The following CLSTN1 variants were observed in gnomAD, a reference collection of about 807,000 sequenced individuals.
The protein encoded by CLSTN1 is calsyntenin 1.
CLSTN1 carries 28 observed loss-of-function variants against 108.3 expected under a neutral mutation model. That is an observed-to-expected ratio of 0.26 (90% CI 0.19 to 0.35). CLSTN1 has a LOEUF of 0.35. Ranked by LOEUF, CLSTN1 falls within the 10% of genes least tolerant of loss-of-function variation. CLSTN1 has a pLI of 1.00. For missense variants in CLSTN1, 1,157 were observed against 1,302.6 expected, an observed-to-expected ratio of 0.89 and a Z score of 1.72; for synonymous variants, 524 against 534.9, an observed-to-expected ratio of 0.98 and a Z score of 0.28.
Position 9,756,518 on chromosome 1 carries a change from G to A in CLSTN1, c.215-8C>T, listed in dbSNP as rs201961708. 115 of 1,611,746 alleles carry A rather than the reference G, an allele frequency of 7.1e-5. No homozygotes were observed. Among genetic ancestry groups the A allele is most frequent in the Non-Finnish European group, 9.1e-5 (107 of 1,178,312 alleles). Reference sequence around the variant, plus strand: ...CTGTCACCTCAAAACTCTCTAAAGGGAGAAAAGATAAGCCCATGTCAGTAA... The same window carrying A: ...CTGTCACCTCAAAACTCTCTAAAGGAAGAAAAGATAAGCCCATGTCAGTAA... On this transcript the variant is annotated splice_polypyrimidine_tract_variant and splice_region_variant and intron_variant, in intron 2 of 18. Transcript: ENST00000377298.
chr1:9,733,394 T>TACTC lies in CLSTN1; in HGVS notation c.2427+3_2427+6dup. 6.2e-7 allele frequency: 1 copy of TACTC among 1,614,190 alleles called. No homozygotes were observed. Among genetic ancestry groups the TACTC allele is most frequent in the Non-Finnish European group, 8.5e-7 (1 of 1,180,024 alleles). On this transcript the variant is annotated splice_region_variant and intron_variant, in intron 16 of 18. Transcript: ENST00000377298. ...TTGGCCCTGCTCAGTGGGAGCCTTG[T>TACTC]ACTCACCTCCACCTTAAATTCGTTG... is the stretch of plus-strand genomic sequence containing the variant.
Position 9,735,514 on chromosome 1 carries a change from C to A in CLSTN1, c.1836G>T (p.Gln612His). The change falls in exon 13 of 19, where the codon CAG (glutamine) becomes CAT (histidine). Residue 612 changes from glutamine (Q) to histidine (H), a missense_variant. Coordinates refer to ENST00000377298, the MANE Select transcript of CLSTN1 (RefSeq NM_001009566.3). ...GTCTGCGAATTCCGGGCGTGGGGAA[C>A]TGCCGGGAGTTCAGGTACGAGATGT... ...MQHISYLNSR[Q>H]FPTPGIRRLK... 6.2e-7 allele frequency: 1 copy of A among 1,614,198 alleles called. No homozygotes were observed. The highest frequency in any genetic ancestry group is 1.1e-5 in the South Asian group (1 of 91,086).
intron 1 of CLSTN1, among the ~76,000 whole-genome samples, chr1:9,798,664 T>C (rs927588187): frequency 4.6e-5 from 7 of 152,110 alleles, no homozygotes; most frequent in Non-Finnish European, 1.0e-4. Context: ...TGGAACTAGA[T>C]AGAGGTGGTA....
intron 4 of CLSTN1, among the ~76,000 whole-genome samples, chr1:9,753,334 A>C (rs1651647806): frequency 1.3e-5 from 2 of 152,062 alleles, no homozygotes; most frequent in Non-Finnish European, 2.9e-5. Flanking sequence ...CAGGCCACGG[A>C]CCAGTACTGG....
intron 1 of CLSTN1, among the ~76,000 whole-genome samples, chr1:9,818,912 G>T (rs111365419): frequency 0.019 from 2,708 of 143,086 alleles, 75 homozygotes; most frequent in African/African-American, 0.066. Flanking sequence ...TCAGCCTCCC[G>T]AATAGCTGGG....
chr1:9,771,797 C>T (rs1004257392), intron 2 of CLSTN1, among the ~76,000 whole-genome samples: 3 of 152,092 alleles, frequency 2.0e-5, no homozygotes, highest in South Asian at 2.1e-4. Flanking sequence ...AGCTGGTTCA[C>T]GGGTGACTGT....
chr1:9,756,132 C>T (rs1651794566), intron 3 of CLSTN1, among the ~76,000 whole-genome samples: 1 of 152,158 alleles, frequency 6.6e-6, no homozygotes, highest in Non-Finnish European at 1.5e-5. Context: ...GTTTTGATGT[C>T]GATGTGAAAC....
intron 2 of CLSTN1, among the ~76,000 whole-genome samples, chr1:9,765,361 G>T (rs1379772064): frequency 4.6e-5 from 7 of 151,952 alleles, no homozygotes; most frequent in Non-Finnish European, 7.4e-5. Context: ...TATAGCCTGG[G>T]CGACAAGAGC....
intron 2 of CLSTN1, among the ~76,000 whole-genome samples, chr1:9,758,557 G>A (rs1473287467): frequency 4.6e-5 from 7 of 151,782 alleles, no homozygotes; most frequent in African/African-American, 1.2e-4. Context: ...CAAGTGATCC[G>A]CCCGCCTCCG....
At chr1:9,795,073 T>C (rs1313128155) in intron 1 of CLSTN1, among the ~76,000 whole-genome samples, 1 of 151,334 alleles carries the variant, frequency 6.6e-6, no homozygotes, top group Non-Finnish European at 1.5e-5. Context: ...CCCTATTTTT[T>C]TTGCTTTTAT....
intron 1 of CLSTN1, among the ~76,000 whole-genome samples, chr1:9,788,720 T>C (rs1465720602): frequency 2.0e-5 from 3 of 150,336 alleles, no homozygotes; most frequent in East Asian, 2.0e-4. Flanking sequence ...TGCAAAACAT[T>C]TGCCAGGCGT....
Position 9,744,468 on chromosome 1 carries a change from G to A in CLSTN1, c.1161C>T (p.Thr387=). Residue 387 remains threonine, a synonymous_variant, in exon 8 of 19, where the codon ACC becomes ACT. Transcript: ENST00000377298. Reference sequence around the variant, plus strand: ...GCCCATGTCTCATCCACACCGAGATGGTGAACGGCTCTTTGGGGCTGACCG... The same window carrying A: ...GCCCATGTCTCATCCACACCGAGATAGTGAACGGCTCTTTGGGGCTGACCG... The part of the protein sequence containing the change: ...VVSVSPKEPF[T]ISVWMRHGPF... 1 of 1,611,196 alleles carries A rather than the reference G, an allele frequency of 6.2e-7. No homozygotes were observed. The highest frequency in any genetic ancestry group is 8.5e-7 in the Non-Finnish European group (1 of 1,179,956).
chr1:9,822,748 G>A (rs1193490012), intron 1 of CLSTN1, among the ~76,000 whole-genome samples: 1 of 152,188 alleles, frequency 6.6e-6, no homozygotes, highest in Non-Finnish European at 1.5e-5. Context: ...AGTGGATGAA[G>A]GTTAAAAGCT....
chr1:9,741,127 C>T lies in CLSTN1; in HGVS notation c.1486G>A (p.Glu496Lys). The change falls in exon 10 of 19, where the codon GAA becomes AAA. Residue 496 changes from glutamate to lysine, a missense_variant. Glu to Lys is a moderately conservative substitution (Grantham distance 56, BLOSUM62 1). Coordinates refer to ENST00000377298, the MANE Select transcript of CLSTN1 (RefSeq NM_001009566.3). ...EDYPLHPSKI[E>K]TQLVVGACWQ... ...CAAGCCCCCACCACGAGCTGAGTTT[C>T]TATCTTGGATGGATGGAGCGGGTAA... The T allele has an allele frequency of 6.2e-7, 1 of 1,613,994 alleles. No individual in the cohort carries two copies.
At position 9,734,971 on chromosome 1, in the gene CLSTN1, C is replaced by T. The variant is rs1253320519; in HGVS notation, c.2087G>A (p.Gly696Glu). 1.9e-6 allele frequency: 3 copies of T among 1,614,052 alleles called. No homozygotes were observed. In the South Asian group the frequency reaches 3.3e-5, roughly 18 times the overall value. Reference protein sequence around the residue: ...STITREVEPEGDGAEDPTVQE... With the variant: ...STITREVEPEEDGAEDPTVQE... ...ACCTGTGGGGTCCTCAGCCCCGTCC[C>T]CTTCAGGCTCCACTTCTCTCGTGAT... Residue 696 changes from glycine to glutamate, a missense_variant, in exon 14 of 19, where the codon GGG (glycine) becomes GAG (glutamate). Transcript: ENST00000377298. The surrounding 1 kb of genome is among the most constrained non-coding windows in gnomAD (Gnocchi z 4.8).
chr1:9,819,413 C>T (rs1321080951), intron 1 of CLSTN1, among the ~76,000 whole-genome samples: 8 of 152,186 alleles, frequency 5.3e-5, no homozygotes, highest in Middle Eastern at 6.8e-3. Flanking sequence ...GCTAGTGTTA[C>T]GAAATTACAG....
chr1:9,747,673 T>A (rs916839214), intron 7 of CLSTN1, among the ~76,000 whole-genome samples: 3 of 152,032 alleles, frequency 2.0e-5, no homozygotes, highest in African/African-American at 7.2e-5. Flanking sequence ...ATTTTTTATT[T>A]TTAGTAGAGC....
At chr1:9,764,541 G>T (rs1172174300) in intron 2 of CLSTN1, among the ~76,000 whole-genome samples, 2 of 151,716 alleles carry the variant, frequency 1.3e-5, no homozygotes, top group Non-Finnish European at 2.9e-5. Flanking sequence ...GAAGGCTGAG[G>T]TGGGAGAATC....
At chr1:9,749,233 C>G (rs1185352460) in intron 7 of CLSTN1, among the ~76,000 whole-genome samples, 1 of 152,056 alleles carries the variant, frequency 6.6e-6, no homozygotes, top group Non-Finnish European at 1.5e-5. Flanking sequence ...CACATATACA[C>G]AACATGTTGA....
Sources: gnomAD v4.1 joint callset for allele counts (sites outside exome capture counted in the v4.1 genomes callset) on GRCh38, gnomAD v4.1.1 for gene constraint, Gnocchi (gnomAD v3.1) non-coding constraint, MANE v1.5 for transcripts, NCBI Gene and HGNC (gene_info 2026-07-23, HGNC 2026-07-21) for gene names.